TGM2: variants seen among roughly 807,000 people sequenced by gnomAD.
TGM2 encodes transglutaminase 2.
A neutral mutation model predicts 75.6 loss-of-function variants in TGM2; 53 were observed. That is an observed-to-expected ratio of 0.70 (90% CI 0.56 to 0.88). The LOEUF is 0.88. TGM2 is among the 40% of genes least tolerant of loss of function. The probability of loss-of-function intolerance (pLI) is 0.00; values close to 1 mark genes in which losing one functional copy is unlikely to be tolerated. For synonymous variants in TGM2, 374 were observed against 381.1 expected (o/e 0.98, Z 0.22); for missense variants, 842 against 928.5 (o/e 0.91, Z 1.21).
chr20:38,140,434 C>T (rs994331609), intron 8 of TGM2, among the ~76,000 whole-genome samples: 1 of 152,130 alleles, frequency 6.6e-6, no homozygotes, highest in African/African-American at 2.4e-5. Context: ...CCCACGGATC[C>T]CCCCAAGGCA....
At chr20:38,142,439 G>T (rs879779778) in intron 6 of TGM2, among the ~76,000 whole-genome samples, 1 of 152,162 alleles carries the variant, frequency 6.6e-6, no homozygotes, top group Non-Finnish European at 1.5e-5. Flanking sequence ...CCGGCCAGGC[G>T]TGGTGGCTCA....
rs1237053462 is a variant in TGM2 at position 38,128,616 on chromosome 20, CTCTT to C, written c.*1599_*1602del. Reference sequence around the variant, plus strand: ...ATATACATGTTGATTAATTGTGTGACTCTTTCCTGTGCAAAGCAGAAAGTTCTAA... The same window carrying C: ...ATATACATGTTGATTAATTGTGTGACTCCTGTGCAAAGCAGAAAGTTCTAA... On this transcript the variant is annotated 3_prime_UTR_variant, in exon 13 of 13. Transcript: ENST00000361475. 1 of 152,222 alleles carries C rather than the reference CTCTT, an allele frequency of 6.6e-6. No individual in the cohort carries two copies. Among genetic ancestry groups the C allele is most frequent in the Non-Finnish European group, 1.5e-5 (1 of 68,046 alleles). The allele number at this position is 152,222 out of a possible 1,614,324, so 9.4% of individuals were successfully genotyped here.
chr20:38,132,041 A>G (rs2074840166), intron 11 of TGM2, among the ~76,000 whole-genome samples: 1 of 150,456 alleles, frequency 6.6e-6, no homozygotes, highest in Admixed American at 6.6e-5. Flanking sequence ...ACCAGTGCCC[A>G]GTGCCTGGGG....
At chr20:38,152,690 C>A (rs1228805754) in intron 3 of TGM2, among the ~76,000 whole-genome samples, 1 of 152,204 alleles carries the variant, frequency 6.6e-6, no homozygotes, top group Non-Finnish European at 1.5e-5. Context: ...CCAGGCAGAC[C>A]CGGCCCTTTC....
chr20:38,138,323 C>T lies in TGM2; in HGVS notation c.1405G>A (p.Glu469Lys). The change falls in exon 10 of 13, where the codon GAG (glutamate) becomes AAG (lysine). Residue 469 changes from glutamate (E) to lysine (K), a missense_variant. Transcript: ENST00000361475. Reference sequence around the variant, plus strand: ...ATCCGCATGGCCATCCCTGTCTCCTCCTTCTCGGCCAGTTTGTTCAGGTGG... The same window carrying T: ...ATCCGCATGGCCATCCCTGTCTCCTTCTTCTCGGCCAGTTTGTTCAGGTGG... The part of the protein sequence containing the change: ...ANHLNKLAEK[E>K]ETGMAMRIRV... 6.2e-7 allele frequency: 1 copy of T among 1,614,220 alleles called. No homozygotes were observed. The highest frequency in any genetic ancestry group is 8.5e-7 in the Non-Finnish European group (1 of 1,180,030).
rs919014726 is a variant in TGM2, at chr20:38,130,479, T to C, written c.1914-110A>G. 2.5e-6 allele frequency: 3 copies of C among 1,218,336 alleles called. No homozygotes were observed. The African/African-American group carries it at 4.6e-5, about 19-fold the overall frequency. 75.5% of individuals were successfully genotyped at this position (1,218,336 alleles called of 1,614,324 possible). On this transcript the variant is annotated intron_variant, in intron 12 of 12. Coordinates refer to ENST00000361475, the MANE Select transcript of TGM2 (RefSeq NM_004613.4). ...TCCGAGGATCAGCACAGCGTGTCCA[T>C]GAATGGGCCTCATTCTCGGCCCTCT... is the stretch of plus-strand genomic sequence containing the variant.
At chr20:38,152,933 G>A (rs1396402209) in intron 3 of TGM2, among the ~76,000 whole-genome samples, 1 of 152,166 alleles carries the variant, frequency 6.6e-6, no homozygotes, top group African/African-American at 2.4e-5. Context: ...ACCTTGTGGT[G>A]TGGACGAGGG....
intron 6 of TGM2, 136 bp from the exon 7 acceptor site, chr20:38,142,335 G>A (rs2074986280): frequency 7.1e-7 from 1 of 1,405,718 alleles, no homozygotes; most frequent in Admixed American, 2.0e-5. Context: ...AGCCCTTCCT[G>A]CCGGGACAAT....
At chr20:38,145,188 G>A (rs1462067369) in intron 6 of TGM2, among the ~76,000 whole-genome samples, 2 of 152,316 alleles carry the variant, frequency 1.3e-5, no homozygotes, top group East Asian at 3.9e-4. Flanking sequence ...ACCTAGGTTA[G>A]GCTGCCCTGA....
At chr20:38,149,570 T>A (rs1354285766) in intron 4 of TGM2, among the ~76,000 whole-genome samples, 1 of 150,774 alleles carries the variant, frequency 6.6e-6, no homozygotes, top group African/African-American at 2.4e-5. Context: ...TCCCAGCTAC[T>A]CGGGAGGCTG....
At chr20:38,167,260 A>G (rs970245739), upstream of TGM2, among the ~76,000 whole-genome samples, 1 of 152,072 alleles carries the variant, frequency 6.6e-6, no homozygotes, top group Non-Finnish European at 1.5e-5. Context: ...AGATGAAAGG[A>G]TGGGTTTGGC....
At chr20:38,136,388 G>A (rs1015799891) in intron 10 of TGM2, among the ~76,000 whole-genome samples, 2 of 152,274 alleles carry the variant, frequency 1.3e-5, no homozygotes, top group Non-Finnish European at 2.9e-5. Flanking sequence ...GAAAACAGAC[G>A]GGGAAACAAA....
rs45616331 is a variant in TGM2, at chr20:38,149,622, T to C, written c.552+1317A>G. Among the ~76,000 whole-genome samples the C allele has an allele frequency of 5.2e-3, 717 of 136,604 alleles. 3 individuals are homozygous for C. The highest frequency in any genetic ancestry group is 0.012 in the Middle Eastern group (3 of 252). 89.6% of individuals were successfully genotyped at this position (136,604 alleles called of 152,430 possible). ...TGAACCCAGGAGGCAGATCTTGTAG[T>C]GAGCCGAGATTGCACCACTGCACTC... is the stretch of plus-strand genomic sequence containing the variant. On this transcript the variant is annotated intron_variant, in intron 4 of 12. Transcript: ENST00000361475.
At chr20:38,159,119 C>T (rs1021074866) in intron 2 of TGM2, among the ~76,000 whole-genome samples, 1 of 152,112 alleles carries the variant, frequency 6.6e-6, no homozygotes, top group Non-Finnish European at 1.5e-5. Flanking sequence ...CAGCCCTTCA[C>T]CCAACCCCAA....
rs1568708949 is a variant in TGM2 at position 38,165,238 on chromosome 20, A to C, written c.-40T>G. Reference sequence around the variant, plus strand: ...GGTGGCTCCTTCCACTGGCGGCGAGACCCTCCAAGTGCGACCACTGGCGGC... The same window carrying C: ...GGTGGCTCCTTCCACTGGCGGCGAGCCCCTCCAAGTGCGACCACTGGCGGC... On this transcript the variant is annotated 5_prime_UTR_variant, in exon 1 of 13. Transcript: ENST00000361475. 2 of 1,610,690 alleles carry C rather than the reference A, an allele frequency of 1.2e-6. No individual in the cohort carries two copies. The highest frequency in any genetic ancestry group is 3.3e-5 in the Admixed American group (2 of 59,920).
rs538306618 is a variant in TGM2, at chr20:38,158,646, G to C, written c.191-2557C>G. Among the ~76,000 whole-genome samples, 18 of 152,316 alleles carry C rather than the reference G, an allele frequency of 1.2e-4. No individual in the cohort carries two copies. In the South Asian group the frequency reaches 3.5e-3, roughly 30 times the overall value. Reference sequence around the variant, plus strand: ...GACAAGGATGGCATTTGTCTAGTGTGGCCTGGACCCCATAACGGAGTCTGT... The same window carrying C: ...GACAAGGATGGCATTTGTCTAGTGTCGCCTGGACCCCATAACGGAGTCTGT... On this transcript the variant is annotated intron_variant, in intron 2 of 12. Coordinates refer to ENST00000361475, the MANE Select transcript of TGM2 (RefSeq NM_004613.4).
intron 6 of TGM2, 111 bp downstream of exon 6, chr20:38,146,606 G>C (rs755758886): frequency 7.7e-7 from 1 of 1,291,228 alleles, no homozygotes; most frequent in Admixed American, 1.8e-5. Flanking sequence ...AGCGCATTGA[G>C]AGTGTTGGTG....
At chr20:38,147,529 C>T (rs2075060287) in intron 5 of TGM2, among the ~76,000 whole-genome samples, 1 of 152,170 alleles carries the variant, frequency 6.6e-6, no homozygotes, top group African/African-American at 2.4e-5. Flanking sequence ...GCCCTGCAGT[C>T]CAACGCTCTC....
chr20:38,148,415 C>G (rs1031022268), intron 4 of TGM2, among the ~76,000 whole-genome samples: 1 of 152,170 alleles, frequency 6.6e-6, no homozygotes, highest in Non-Finnish European at 1.5e-5. Context: ...CTCAGAGTCA[C>G]CTTGGGCCCT....
Sources: gnomAD v4.1 joint callset for allele counts (sites outside exome capture counted in the v4.1 genomes callset) on GRCh38, gnomAD v4.1.1 for gene constraint, MANE v1.5 for transcripts, NCBI Gene and HGNC (gene_info 2026-07-23, HGNC 2026-07-21) for gene names.